The following C12orf42 variants were observed in gnomAD, a reference collection of about 807,000 sequenced individuals.
C12orf42 encodes chromosome 12 open reading frame 42.
C12orf42 carries 25 observed loss-of-function variants against 21.6 expected under a neutral mutation model. The ratio of observed to expected loss-of-function variants is 1.16; its 90% CI spans 0.84 to 1.62. C12orf42 has a LOEUF of 1.62. Among genes scored for constraint, C12orf42 ranks in the 40% most tolerant of loss-of-function variants. The pLI is 0.00. For missense variants in C12orf42, 483 were observed against 459.3 expected, an observed-to-expected ratio of 1.05 and a Z score of -0.47; for synonymous variants, 174 against 175.0, an observed-to-expected ratio of 0.99 and a Z score of 0.05.
the C12orf42 span, among the ~76,000 whole-genome samples, chr12:103,108,153 AT>A: frequency 1.7e-4 from 26 of 151,582 alleles, no homozygotes; most frequent in African/African-American, 6.3e-4. Context: ...AAAGGAAAAA[AT>A]AAATAAATTT....
At chr12:103,560,015 T>G in the C12orf42 span, among the ~76,000 whole-genome samples, 1 of 152,230 alleles carries the variant, frequency 6.6e-6, no homozygotes, top group Admixed American at 6.5e-5. Context: ...CAATTGAAGT[T>G]TTTAGATAAT....
the C12orf42 span, among the ~76,000 whole-genome samples, chr12:103,108,601 T>A: frequency 6.6e-6 from 1 of 152,104 alleles, no homozygotes; most frequent in Non-Finnish European, 1.5e-5. Flanking sequence ...AAATGGAAAT[T>A]GAAGGAATCT....
At chr12:103,539,636 G>A in the C12orf42 span, among the ~76,000 whole-genome samples, 2 of 151,640 alleles carry the variant, frequency 1.3e-5, no homozygotes, top group Non-Finnish European at 2.9e-5. Context: ...CTGGAGTGCA[G>A]TGGCACAATC....
the C12orf42 span, among the ~76,000 whole-genome samples, chr12:103,196,395 A>AATTCTGTTGTATATAC: frequency 1.5e-3 from 231 of 152,328 alleles, no homozygotes; most frequent in Non-Finnish European, 1.8e-3. Context: ...TACAGATGAG[A>AATTCTGTTGTATATAC]AGAATGTATA....
At chr12:103,289,456 C>T (rs2136354133) in intron 4 of C12orf42, among the ~76,000 whole-genome samples, 1 of 152,152 alleles carries the variant, frequency 6.6e-6, no homozygotes, top group East Asian at 1.9e-4. Context: ...TTTAGGAATT[C>T]ACATTATAAA....
chr12:103,224,501 A>G, the C12orf42 span, among the ~76,000 whole-genome samples: 1 of 152,180 alleles, frequency 6.6e-6, no homozygotes, highest in Non-Finnish European at 1.5e-5. Context: ...GGTGAATGTC[A>G]GGTGGATCAG....
upstream of C12orf42, among the ~76,000 whole-genome samples, chr12:103,499,590 T>A (rs1244817799): frequency 1.3e-5 from 2 of 152,206 alleles, no homozygotes; most frequent in African/African-American, 4.8e-5. Context: ...ATGCCAAGAA[T>A]GTGGATTTTG....
At chr12:103,079,926 A>G in the C12orf42 span, among the ~76,000 whole-genome samples, 2 of 152,234 alleles carry the variant, frequency 1.3e-5, no homozygotes, top group Non-Finnish European at 1.5e-5. Flanking sequence ...ACTTCTATGA[A>G]GAAGCAATTA....
At chr12:103,296,403 G>A (rs1382060404) in intron 4 of C12orf42, among the ~76,000 whole-genome samples, 1 of 152,084 alleles carries the variant, frequency 6.6e-6, no homozygotes, top group Non-Finnish European at 1.5e-5. Context: ...TGGGTCAAAT[G>A]GTATTTCTAG....
At chr12:103,489,977 G>T (rs965808783) in intron 1 of C12orf42, among the ~76,000 whole-genome samples, 1 of 152,206 alleles carries the variant, frequency 6.6e-6, no homozygotes, top group Non-Finnish European at 1.5e-5. Flanking sequence ...ACCAGTCCCA[G>T]TGAGATGACC....
At chr12:103,206,618 G>C in the C12orf42 span, among the ~76,000 whole-genome samples, 3 of 152,002 alleles carry the variant, frequency 2.0e-5, no homozygotes, top group Admixed American at 6.6e-5. Context: ...TTAAGAGATG[G>C]GGTCTCACTG....
At chr12:103,188,207 A>G in the C12orf42 span, among the ~76,000 whole-genome samples, 42,475 of 152,188 alleles carry the variant, frequency 0.28, 6,990 homozygotes, top group Non-Finnish European at 0.37. Flanking sequence ...AGTTTTGGGA[A>G]AAGATAATGT....
At chr12:103,116,046 G>A in the C12orf42 span, among the ~76,000 whole-genome samples, 3 of 152,128 alleles carry the variant, frequency 2.0e-5, no homozygotes, top group Admixed American at 6.5e-5. Flanking sequence ...GCTGATCAAC[G>A]TGTCCTTTGC....
At chr12:103,506,686 G>A in the C12orf42 span, among the ~76,000 whole-genome samples, 1 of 148,076 alleles carries the variant, frequency 6.8e-6, no homozygotes, top group African/African-American at 2.5e-5. Context: ...TCTCAGTAAT[G>A]TTCCAATTGT....
the C12orf42 span, among the ~76,000 whole-genome samples, chr12:103,540,832 T>G: frequency 2.6e-5 from 4 of 152,350 alleles, no homozygotes; most frequent in East Asian, 7.7e-4. Context: ...ACTCTGTATT[T>G]GCCTCACATT....
chr12:103,125,435 G>T, the C12orf42 span, among the ~76,000 whole-genome samples: 13 of 152,264 alleles, frequency 8.5e-5, no homozygotes, highest in East Asian at 2.5e-3. Flanking sequence ...AGCTCAGATG[G>T]TTGCAAGAAC....
intron 2 of C12orf42, among the ~76,000 whole-genome samples, chr12:103,430,722 A>G (rs11111572): frequency 6.6e-6 from 1 of 151,980 alleles, no homozygotes; most frequent in East Asian, 1.9e-4. Context: ...CCAAATACCC[A>G]TCAATGATAG....
chr12:103,272,937 C>T (rs977449075), intron 5 of C12orf42, among the ~76,000 whole-genome samples: 12 of 152,164 alleles, frequency 7.9e-5, no homozygotes, highest in Non-Finnish European at 1.5e-4. Context: ...CCAGACTCTC[C>T]GCTTCTAGTA....
the C12orf42 span, among the ~76,000 whole-genome samples, chr12:103,203,218 A>G: frequency 1.3e-5 from 2 of 152,218 alleles, no homozygotes; most frequent in Admixed American, 1.3e-4. Context: ...TGTGTCACTC[A>G]TCCCCTGCAA....
Sources: allele counts gnomAD v4.1 joint callset (sites outside exome capture counted in the v4.1 genomes callset), GRCh38; gene constraint gnomAD v4.1.1; transcripts MANE v1.5; gene names NCBI Gene and HGNC (gene_info 2026-07-23, HGNC 2026-07-21).